KRT72: variants seen among roughly 807,000 people sequenced by gnomAD.
The protein encoded by KRT72 is keratin, type II cytoskeletal 72.
A neutral mutation model predicts 44.7 loss-of-function variants in KRT72; 44 were observed. The observed-to-expected ratio is 0.98, with a 90% CI of 0.77 to 1.27. The LOEUF is 1.27. Ranked by LOEUF, KRT72 falls within the 50% of genes most tolerant of loss-of-function variation. The pLI, the probability that KRT72 is intolerant of heterozygous loss-of-function variation, is 0.00. For missense variants in KRT72, 736 were observed against 667.1 expected, an observed-to-expected ratio of 1.10 and a Z score of -1.14; for synonymous variants, 302 against 280.4, an observed-to-expected ratio of 1.08 and a Z score of -0.77.
rs184654666 is a variant in KRT72 at position 52,592,276 on chromosome 12, G to C, written c.798+120C>G. ...CCAGTAGGGCCTTGGTGAATGTCAG[G>C]GGCACCAGGTTGAAAGCTTTCTCCC... On this transcript the variant is annotated intron_variant, in intron 4 of 8. Transcript: ENST00000293745. 139 of 713,518 alleles carry C rather than the reference G, an allele frequency of 1.9e-4. No individual in the cohort carries two copies. The African/African-American group carries it at 2.3e-3, about 12-fold the overall frequency. The allele number at this position is 713,518 out of a possible 1,614,324, so 44.2% of individuals were successfully genotyped here.
intron 4 of KRT72, 111 bp downstream of exon 4, chr12:52,592,285 G>C (rs1399264552): frequency 3.9e-6 from 3 of 759,854 alleles, no homozygotes; most frequent in Non-Finnish European, 6.9e-6. Context: ...GGGGCACCAG[G>C]TTGAAAGCTT....
upstream of KRT72, among the ~76,000 whole-genome samples, chr12:52,602,037 G>T (rs997030884): frequency 1.3e-5 from 2 of 152,210 alleles, no homozygotes; most frequent in Admixed American, 6.5e-5. Context: ...CGTCTGCAGA[G>T]ACCTCTCAGT....
chr12:52,589,528 C>T (rs1460479100), intron 6 of KRT72, among the ~76,000 whole-genome samples: 2 of 152,202 alleles, frequency 1.3e-5, no homozygotes, highest in African/African-American at 4.8e-5. Context: ...ACACCAAAAG[C>T]TTGGGTCTTG....
rs750519012 is a variant in KRT72, at chr12:52,601,349, C to A, written c.104G>T (p.Arg35Leu). 9.7e-6 allele frequency: 15 copies of A among 1,544,182 alleles called. No homozygotes were observed. The South Asian group carries it at 1.8e-4, about 18-fold the overall frequency. Residue 35 changes from arginine (R) to leucine (L), a missense_variant, in exon 1 of 9, where the codon CGG becomes CTG. Transcript: ENST00000293745. ...GGAGGCCGAGCCCTTGACCCGGGCC[C>A]GGAATGAGGCGGAGCTGCTGCCGAT... ...GGIGSSSASFRARVKGSASFG... is the reference protein window; with the variant it reads ...GGIGSSSASFLARVKGSASFG...
chr12:52,586,162 G>T lies in KRT72; in HGVS notation c.1356C>A (p.Ser452Arg). Residue 452 changes from serine to arginine, a missense_variant, in exon 9 of 9, where the codon AGC becomes AGA. Coordinates refer to ENST00000293745, the MANE Select transcript of KRT72 (RefSeq NM_080747.3). ...YPNSVSISVI[S>R]STNAGAGGAG... is the part of the protein sequence containing the mutation. ...CCCCTCCTGCCCCAGCATTGGTGCT[G>T]CTGATGACGGCTGGAATGGATGAGA... 1 of 1,613,458 alleles carries T rather than the reference G, an allele frequency of 6.2e-7. No homozygotes were observed.
chr12:52,592,938 A>G lies in KRT72; in HGVS notation c.656T>C (p.Ile219Thr). ...ATTCTCAGCAGCTGTGCGTCTGTTA[A>G]TCTCCACCTCATACCTGCATGGGGC... Reference protein sequence around the residue: ...EDYKKRYEVEINRRTAAENEF... With the variant: ...EDYKKRYEVETNRRTAAENEF... The change falls in exon 3 of 9, where the codon ATT becomes ACT. Residue 219 changes from isoleucine (I) to threonine (T), a missense_variant. Physicochemically the swap from Ile to Thr is moderately conservative, Grantham distance 89. Transcript: ENST00000293745. 5 of 1,613,522 alleles carry G rather than the reference A, an allele frequency of 3.1e-6. No homozygotes were observed. Among genetic ancestry groups the G allele is most frequent in the Non-Finnish European group, 3.4e-6 (4 of 1,179,800 alleles).
At position 52,598,999 on chromosome 12, in the gene KRT72, G is replaced by A; in HGVS notation, c.540C>T (p.Ile180=). 1 of 1,614,044 alleles carries A rather than the reference G, an allele frequency of 6.2e-7. No homozygotes were observed. Among genetic ancestry groups the A allele is most frequent in the Non-Finnish European group, 8.5e-7 (1 of 1,179,926 alleles). The change falls in exon 2 of 9, where the codon ATC becomes ATT. Residue 180 remains isoleucine, a synonymous_variant. Coordinates refer to ENST00000293745, the MANE Select transcript of KRT72 (RefSeq NM_080747.3). ...TCTCCAGCTGCTTCTGCAGGTTGCT[G>A]ATGTAGCCCTCATAAATGGGCTCCA... The part of the protein sequence containing the change: ...KNLEPIYEGY[I]SNLQKQLEML...
chr12:52,590,931 G>C lies in KRT72; in HGVS notation c.994C>G (p.His332Asp), dbSNP rs1201863160. 6.2e-7 allele frequency: 1 copy of C among 1,603,834 alleles called. No homozygotes were observed. Among genetic ancestry groups the C allele is most frequent in the East Asian group, 2.2e-5 (1 of 44,702 alleles). Residue 332 changes from histidine to aspartate, a missense_variant, in exon 6 of 9, where the codon CAT becomes GAT. Coordinates refer to ENST00000293745, the MANE Select transcript of KRT72 (RefSeq NM_080747.3). ...IQELQVTAGQ[H>D]GDDLKLTKAE... ...TTGGTGAGCTTGAGGTCATCCCCATGCTGGCCTGCTGTGACCTGCAGCTCC... is the reference window on the plus strand; with the variant it reads ...TTGGTGAGCTTGAGGTCATCCCCATCCTGGCCTGCTGTGACCTGCAGCTCC...
At position 52,601,315 on chromosome 12, in the gene KRT72, G is replaced by A; in HGVS notation, c.138C>T (p.Ser46=). 1 of 1,547,374 alleles carries A rather than the reference G, an allele frequency of 6.5e-7. No homozygotes were observed. The highest frequency in any genetic ancestry group is 8.7e-7 in the Non-Finnish European group (1 of 1,147,274). ...ARVKGSASFG[S]KSLSCLGGSR... is the part of the protein sequence containing the mutation. ...TGCCCCCAAGGCAGGAGAGGCTCTT[G>A]CTGCCAAAGGAGGCCGAGCCCTTGA... Residue 46 remains serine (S), a synonymous_variant, in exon 1 of 9, where the codon AGC becomes AGT. Transcript: ENST00000293745.
At chr12:52,589,571 T>G (rs1193700670) in intron 6 of KRT72, among the ~76,000 whole-genome samples, 1 of 152,150 alleles carries the variant, frequency 6.6e-6, no homozygotes, top group African/African-American at 2.4e-5. Context: ...GACTTGAAAT[T>G]TTAGCATCCT....
intron 2 of KRT72, 109 bp from the exon 3 acceptor site, chr12:52,593,061 T>C (rs1352453949): frequency 2.2e-6 from 2 of 920,192 alleles, no homozygotes; most frequent in African/African-American, 3.4e-5. Flanking sequence ...AAACTGGGAT[T>C]CCCATACCCC....
chr12:52,587,800 C>A lies in KRT72; in HGVS notation c.1141G>T (p.Ala381Ser), dbSNP rs368767777. The A allele has an allele frequency of 3.7e-6, 6 of 1,614,072 alleles. No individual in the cohort carries two copies. The African/African-American group carries it at 4.0e-5, about 11-fold the overall frequency. ...IADAEQRGDC[A>S]LKDARAKLDE... ...AGCTTGGCCCGGGCATCTTTCAGGG[C>A]GCAGTCCCCCCGCTGTTCAGCGTCG... Residue 381 changes from alanine to serine, a missense_variant, in exon 7 of 9, where the codon GCC (alanine) becomes TCC (serine). By Grantham distance (99) the Ala-to-Ser change is moderately conservative (BLOSUM62 1). Coordinates refer to ENST00000293745, the MANE Select transcript of KRT72 (RefSeq NM_080747.3).
chr12:52,591,455 C>A lies in KRT72; in HGVS notation c.963+9G>T, dbSNP rs1350805467. On this transcript the variant is annotated intron_variant, in intron 5 of 8. Coordinates refer to ENST00000293745, the MANE Select transcript of KRT72 (RefSeq NM_080747.3). ...CCAGTGGGACTCAGCACACCTGGCA[C>A]CAGCTCACCTTGGTCTGGTACAGGG... is the stretch of plus-strand genomic sequence containing the variant. The A allele has an allele frequency of 6.2e-7, 1 of 1,611,758 alleles. No individual in the cohort carries two copies. The highest frequency in any genetic ancestry group is 8.5e-7 in the Non-Finnish European group (1 of 1,178,262).
intron 7 of KRT72, 100 bp downstream of exon 7, chr12:52,587,531 A>T: frequency 7.9e-7 from 1 of 1,259,762 alleles, no homozygotes; most frequent in Non-Finnish European, 1.2e-6. Flanking sequence ...GTATGGTTTT[A>T]CTTCAGTAGG....
chr12:52,601,056 T>A lies in KRT72; in HGVS notation c.397A>T (p.Asn133Tyr). ...TCGATGAAGGAGGCGAACTTGTTGT[T>A]TAGCGCCTTGATCTGCTCCCGCTCC... is the stretch of plus-strand genomic sequence containing the variant. Reference protein sequence around the residue: ...AQEREQIKALNNKFASFIDKV... With the variant: ...AQEREQIKALYNKFASFIDKV... Residue 133 changes from asparagine (N) to tyrosine (Y), a missense_variant, in exon 1 of 9, where the codon AAC becomes TAC. Transcript: ENST00000293745. 1 of 1,612,212 alleles carries A rather than the reference T, an allele frequency of 6.2e-7. No homozygotes were observed. The highest frequency in any genetic ancestry group is 1.7e-5 in the Admixed American group (1 of 59,682).
intron 1 of KRT72, 88 bp from the exon 2 acceptor site, chr12:52,599,200 A>G: frequency 7.9e-7 from 1 of 1,266,630 alleles, no homozygotes; most frequent in Non-Finnish European, 1.1e-6. Context: ...AGAGGCAGCC[A>G]TCCTGGGGGA....
Position 52,601,429 on chromosome 12 carries a change from GA to G in KRT72, c.23del (p.Phe8SerfsTer125). MSRQLTH[F>X]PRGERLGFSG... ...TGAAGCCCAGGCGCTCCCCGCGGGGGAAATGGGTCAGTTGGCGGCTCATGGC... is the reference window on the plus strand; with the variant it reads ...TGAAGCCCAGGCGCTCCCCGCGGGGGAATGGGTCAGTTGGCGGCTCATGGC... On this transcript the variant is annotated frameshift_variant, in exon 1 of 9. Transcript: ENST00000293745. LOFTEE classifies it high-confidence loss of function. 6.5e-7 allele frequency: 1 copy of G among 1,538,998 alleles called. No individual in the cohort carries two copies.
intron 3 of KRT72, 58 bp from the exon 4 acceptor site, chr12:52,592,549 TC>T (rs1367071158): frequency 9.2e-7 from 1 of 1,091,036 alleles, no homozygotes; most frequent in Non-Finnish European, 1.3e-6. Context: ...CATCCCTCCC[TC>T]CCTGCCACAG....
Position 52,596,712 on chromosome 12 carries a change from G to A in KRT72, c.641+2186C>T, listed in dbSNP as rs866894427. ...AACACAGACGCACGCCACCATGCCC[G>A]GCTAATTTTTTATATTTTTTGTAGA... On this transcript the variant is annotated intron_variant, in intron 2 of 8. Transcript: ENST00000293745. Among the ~76,000 whole-genome samples the A allele has an allele frequency of 4.6e-5, 7 of 151,800 alleles. No individual in the cohort carries two copies. The South Asian group carries it at 6.2e-4, about 14-fold the overall frequency.
Sources: allele counts gnomAD v4.1 joint callset (sites outside exome capture counted in the v4.1 genomes callset), GRCh38; gene constraint gnomAD v4.1.1; transcripts MANE v1.5; gene names NCBI Gene and HGNC (gene_info 2026-07-23, HGNC 2026-07-21).